Variants in CEP250 observed in about 807,000 individuals in gnomAD.
CEP250 encodes centrosome-associated protein CEP250.
Under a neutral mutation model 315.7 loss-of-function variants are expected in CEP250, and 242 were observed. The observed-to-expected ratio is 0.77, with a 90% CI of 0.69 to 0.85. The LOEUF (loss-of-function observed/expected upper bound fraction) is 0.85, where lower values mean the gene tolerates loss of function less well. Among genes scored for constraint, CEP250 ranks in the 40% least tolerant of loss-of-function variants. CEP250 has a pLI of 0.00. For synonymous variants in CEP250, 1,088 were observed against 1,175.0 expected (o/e 0.93, Z 1.51); for missense variants, 2,515 against 2,886.4 (o/e 0.87, Z 2.95).
At chr20:35,496,519 A>T (rs2063837217) in intron 24 of CEP250, 58 bp from the exon 25 acceptor site, 1 of 1,453,180 alleles carries the variant, frequency 6.9e-7, no homozygotes, top group Admixed American at 2.0e-5. Flanking sequence ...CTCAGATGAG[A>T]AGGTAATTTT....
chr20:35,467,179 G>GGGGGGGGGGGGCC, intron 8 of CEP250, 107 bp downstream of exon 8: 2 of 534,884 alleles, frequency 3.7e-6, no homozygotes, highest in Non-Finnish European at 7.1e-6. Context: ...GGTGGGTGGG[G>GGGGGGGGGGGGCC]GAGTTGGTAG....
In CEP250 at chr20:35,497,935, C is replaced by T. The variant is rs138159510; in HGVS notation, c.3523C>T (p.Gln1175Ter). 1 of 1,610,268 alleles carries T rather than the reference C, an allele frequency of 6.2e-7. No homozygotes were observed. The highest frequency in any genetic ancestry group is 8.5e-7 in the Non-Finnish European group (1 of 1,178,792). ...ALAAEQQPGN[Q>*]AQAQAQLASL... The stretch of plus-strand genomic sequence containing the variant: ...GGCCGCAGAGCAGCAGCCCGGGAAC[C>T]AGGCCCAGGCCCAGGCCCAGCTGGC... The change falls in exon 26 of 35, where the codon CAG becomes TAG. Residue 1175 changes from glutamine to a stop codon, truncating the protein, a stop_gained. Transcript: ENST00000397527. LOFTEE classifies it high-confidence loss of function.
Position 35,485,064 on chromosome 20 carries a change from T to TAAA in CEP250, c.2586+4937_2586+4939dup, listed in dbSNP as rs587596547. ...GCAACATAGCAAGACCCTATCTCTT[T>TAAA]AAAAAAAAAAAAAAAAAAAAGGTAA... On this transcript the variant is annotated intron_variant, in intron 20 of 34. Transcript: ENST00000397527. Among the ~76,000 whole-genome samples, 1,093 of 129,204 alleles carry TAAA rather than the reference T, an allele frequency of 8.5e-3. 12 individuals are homozygous for TAAA. Among genetic ancestry groups the TAAA allele is most frequent in the African/African-American group, 0.029 (1,006 of 34,190 alleles). 84.8% of individuals were successfully genotyped at this position (129,204 alleles called of 152,430 possible). A position where few individuals can be genotyped will look rare whatever the true frequency, so the allele number is the denominator to read the frequency against.
intron 3 of CEP250, among the ~76,000 whole-genome samples, chr20:35,461,192 G>A (rs920242071): frequency 6.6e-6 from 1 of 152,164 alleles, no homozygotes; most frequent in Non-Finnish European, 1.5e-5. Flanking sequence ...TTGAAAATAC[G>A]GATATTCCTT....
In CEP250 at chr20:35,518,363, G is replaced by A. The variant is rs943541100; in HGVS notation, c.*6737G>A. 3 of 152,178 alleles carry A rather than the reference G, an allele frequency of 2.0e-5. No homozygotes were observed. Among genetic ancestry groups the A allele is most frequent in the Non-Finnish European group, 2.9e-5 (2 of 68,044 alleles). 9.4% of individuals were successfully genotyped at this position (152,178 alleles called of 1,614,324 possible). A position where few individuals can be genotyped will look rare whatever the true frequency, so the allele number is the denominator to read the frequency against. On this transcript the variant is annotated 3_prime_UTR_variant, in exon 35 of 35. Transcript: ENST00000397527. ...TGGGATATTTGCATTTTGTTAGGTTGTGTGTGGTAGTTGAGCAGCCAAGGG... is the reference window on the plus strand; with the variant it reads ...TGGGATATTTGCATTTTGTTAGGTTATGTGTGGTAGTTGAGCAGCCAAGGG...
Position 35,468,224 on chromosome 20 carries a change from C to G in CEP250, c.851+669C>G, listed in dbSNP as rs535044352. On this transcript the variant is annotated intron_variant, in intron 9 of 34. Transcript: ENST00000397527. ...TCAGCCTCCCAAAGTGTTGGGATTA[C>G]AAGCGTGAGCCACTGCAACTCGCCG... Among the ~76,000 whole-genome samples the G allele has an allele frequency of 1.7e-3, 258 of 152,294 alleles. 3 individuals carry two copies. Among genetic ancestry groups the G allele is most frequent in the Middle Eastern group, 0.01 (3 of 294 alleles).
rs745507564 is a variant in CEP250 at position 35,465,728 on chromosome 20, CTCTG to C, written c.244-10_244-7del. 24 of 1,575,010 alleles carry C rather than the reference CTCTG, an allele frequency of 1.5e-5. No individual in the cohort carries two copies. The highest frequency in any genetic ancestry group is 3.4e-4 in the Middle Eastern group (2 of 5,960). ...CTCTTTGGAGGTAAGTAAGGCTTGTCTCTGTCTGGCGCAGGGACCAATCCCCCAG... is the reference window on the plus strand; with the variant it reads ...CTCTTTGGAGGTAAGTAAGGCTTGTCTCTGGCGCAGGGACCAATCCCCCAG... On this transcript the variant is annotated splice_polypyrimidine_tract_variant and intron_variant, in intron 5 of 34. Coordinates refer to ENST00000397527, the MANE Select transcript of CEP250 (RefSeq NM_007186.6).
At chr20:35,465,440 ATG>A (rs369308376) in intron 5 of CEP250, among the ~76,000 whole-genome samples, 3 of 143,930 alleles carry the variant, frequency 2.1e-5, no homozygotes, top group African/African-American at 8.8e-5. Flanking sequence ...AAAAAAAAAA[ATG>A]AAAGAAGTTA....
At chr20:35,459,356 C>A (rs954635956) in intron 2 of CEP250, among the ~76,000 whole-genome samples, 3 of 151,954 alleles carry the variant, frequency 2.0e-5, no homozygotes, top group Non-Finnish European at 4.4e-5. Context: ...CTTGCCAAAT[C>A]ATGTTTGCAA....
chr20:35,492,881 C>T (rs908940860), intron 22 of CEP250, among the ~76,000 whole-genome samples: 1 of 152,056 alleles, frequency 6.6e-6, no homozygotes, highest in African/African-American at 2.4e-5. Context: ...GTGCCCGCCA[C>T]CATGCTTGGC....
Position 35,473,961 on chromosome 20 carries a change from G to A in CEP250, c.1480G>A (p.Val494Met). The A allele has an allele frequency of 6.2e-7, 1 of 1,611,112 alleles. No homozygotes were observed. Among genetic ancestry groups the A allele is most frequent in the Non-Finnish European group, 8.5e-7 (1 of 1,179,164 alleles). Reference sequence around the variant, plus strand: ...GGCATGGCGCCTGCGAAGGGTAAATGTGGAGCTTCAGCTGCAGGGGGACTC... The same window carrying A: ...GGCATGGCGCCTGCGAAGGGTAAATATGGAGCTTCAGCTGCAGGGGGACTC... ...QEAWRLRRVN[V>M]ELQLQGDSAQ... The change falls in exon 14 of 35, where the codon GTG (valine) becomes ATG (methionine). Residue 494 changes from valine to methionine, a missense_variant. Transcript: ENST00000397527.
In CEP250 at chr20:35,504,915, G is replaced by C. The variant is rs763994225; in HGVS notation, c.6546G>C (p.Gln2182His). Residue 2182 changes from glutamine to histidine, a missense_variant, in exon 30 of 35, where the codon CAG becomes CAC. Coordinates refer to ENST00000397527, the MANE Select transcript of CEP250 (RefSeq NM_007186.6). Reference sequence around the variant, plus strand: ...AGGACTTGGCACTCTCCCTAGCGCAGACCAAGGCCAGTGTCAGCAGTCTGC... The same window carrying C: ...AGGACTTGGCACTCTCCCTAGCGCACACCAAGGCCAGTGTCAGCAGTCTGC... Reference protein sequence around the residue: ...KAQDLALSLAQTKASVSSLQE... With the variant: ...KAQDLALSLAHTKASVSSLQE... 2 of 1,614,206 alleles carry C rather than the reference G, an allele frequency of 1.2e-6. No homozygotes were observed. Among genetic ancestry groups the C allele is most frequent in the Non-Finnish European group, 1.7e-6 (2 of 1,180,042 alleles).
At chr20:35,462,705 G>C in intron 4 of CEP250, 152 bp downstream of exon 4, 1 of 610,948 alleles carries the variant, frequency 1.6e-6, no homozygotes, top group Non-Finnish European at 2.9e-6. Flanking sequence ...TAGCTTTCAT[G>C]TACAGCTTCT....
Position 35,473,985 on chromosome 20 carries a change from T to C in CEP250, c.1504T>C (p.Ser502Pro), listed in dbSNP as rs1353958142. Residue 502 changes from serine to proline, a missense_variant, in exon 14 of 35, where the codon TCT (serine) becomes CCT (proline). Physicochemically the swap from Ser to Pro is moderately conservative, Grantham distance 74 (BLOSUM62 -1). Coordinates refer to ENST00000397527, the MANE Select transcript of CEP250 (RefSeq NM_007186.6). ...TGTGGAGCTTCAGCTGCAGGGGGACTCTGCCCAGGGCCAGAAGGAGGAACA... is the reference window on the plus strand; with the variant it reads ...TGTGGAGCTTCAGCTGCAGGGGGACCCTGCCCAGGGCCAGAAGGAGGAACA... ...VNVELQLQGD[S>P]AQGQKEEQQE... is the part of the protein sequence containing the mutation. The C allele has an allele frequency of 2.5e-6, 4 of 1,607,976 alleles. No homozygotes were observed. Among genetic ancestry groups the C allele is most frequent in the Non-Finnish European group, 2.5e-6 (3 of 1,178,122 alleles).
At chr20:35,457,579 T>C (rs2062660163) in intron 1 of CEP250, among the ~76,000 whole-genome samples, 1 of 151,974 alleles carries the variant, frequency 6.6e-6, no homozygotes, top group South Asian at 2.1e-4. Flanking sequence ...CCCAGGCTGG[T>C]CTTGAACTCC....
At chr20:35,474,146 G>A (rs2063105819) in intron 14 of CEP250, 94 bp downstream of exon 14, 1 of 1,084,030 alleles carries the variant, frequency 9.2e-7, no homozygotes, top group Non-Finnish European at 1.3e-6. Context: ...AGTAGAGTAT[G>A]TAGAAGTCTG....
intron 7 of CEP250, among the ~76,000 whole-genome samples, chr20:35,466,689 T>A (rs1601131673): frequency 6.6e-6 from 1 of 152,204 alleles, no homozygotes; most frequent in East Asian, 1.9e-4. Flanking sequence ...TAGAAAAGTC[T>A]GTGGTAATAG....
At chr20:35,475,705 C>G in intron 15 of CEP250, 59 bp downstream of exon 15, 3 of 1,562,160 alleles carry the variant, frequency 1.9e-6, no homozygotes, top group Non-Finnish European at 1.7e-6. Flanking sequence ...TGTTCCCATG[C>G]AGCCTGCCTC....
chr20:35,501,336 CAAAAAAAG>C (rs1235744990), intron 28 of CEP250, among the ~76,000 whole-genome samples: 4 of 151,320 alleles, frequency 2.6e-5, no homozygotes, highest in African/African-American at 4.9e-5. Context: ...GACTCCATCT[CAAAAAAAG>C]AAAAAAAGAG....
Sources: allele counts gnomAD v4.1 joint callset (sites outside exome capture counted in the v4.1 genomes callset), GRCh38; gene constraint gnomAD v4.1.1; transcripts MANE v1.5; gene names NCBI Gene and HGNC (gene_info 2026-07-23, HGNC 2026-07-21).